Variants in CACNA2D3 observed in about 807,000 individuals in gnomAD.
The protein encoded by CACNA2D3 is voltage-dependent calcium channel subunit alpha-2/delta-3.
A neutral mutation model predicts 160.6 loss-of-function variants in CACNA2D3; 60 were observed. That is an observed-to-expected ratio of 0.37 (90% confidence interval 0.30 to 0.46). CACNA2D3 has a LOEUF of 0.46. CACNA2D3 is among the 20% of genes least tolerant of loss of function. The pLI, the probability that CACNA2D3 is intolerant of heterozygous loss-of-function variation, is 1.00. For synonymous variants in CACNA2D3, 558 were observed against 492.9 expected, an observed-to-expected ratio of 1.13 and a Z score of -1.75; for missense variants, 1,205 against 1,365.0, an observed-to-expected ratio of 0.88 and a Z score of 1.85.
chr3:54,687,132 T>TTTTTTC (rs1700472345), intron 11 of CACNA2D3, among the ~76,000 whole-genome samples: 1 of 64,180 alleles, frequency 1.6e-5, no homozygotes, highest in Non-Finnish European at 3.0e-5. Flanking sequence ...TTTTTTTTTT[T>TTTTTTC]TTGTTTTTTT....
At chr3:54,725,598 G>A (rs996167988) in intron 11 of CACNA2D3, among the ~76,000 whole-genome samples, 1 of 152,166 alleles carries the variant, frequency 6.6e-6, no homozygotes, top group Non-Finnish European at 1.5e-5. Context: ...GGGATGCAAG[G>A]TTGGTTCAAC....
At chr3:54,588,617 A>G (rs1559520225) in intron 9 of CACNA2D3, among the ~76,000 whole-genome samples, 1 of 152,164 alleles carries the variant, frequency 6.6e-6, no homozygotes, top group Non-Finnish European at 1.5e-5. Flanking sequence ...CACATATACA[A>G]GATCAACACA....
At chr3:54,411,121 G>C (rs1406935633) in intron 4 of CACNA2D3, among the ~76,000 whole-genome samples, 1 of 152,190 alleles carries the variant, frequency 6.6e-6, no homozygotes, top group East Asian at 1.9e-4. Context: ...AAAGTTTAAT[G>C]AATGAGAAGC....
In CACNA2D3 at chr3:54,859,733, A is replaced by G. The variant is rs79706552; in HGVS notation, c.1627-11806A>G. The stretch of plus-strand genomic sequence containing the variant: ...ACGGACCTACCAGCTCCAACCTGGT[A>G]GCCTCTGGGTTCAGGTCTTAAATTC... On this transcript the variant is annotated intron_variant, in intron 17 of 37. Transcript: ENST00000474759. Among the ~76,000 whole-genome samples, 44 of 152,252 alleles carry G rather than the reference A, an allele frequency of 2.9e-4. No individual in the cohort carries two copies. The East Asian group carries it at 7.3e-3, about 25-fold the overall frequency.
At chr3:54,160,750 G>A (rs1240180690) in intron 2 of CACNA2D3, among the ~76,000 whole-genome samples, 1 of 152,172 alleles carries the variant, frequency 6.6e-6, no homozygotes, top group Non-Finnish European at 1.5e-5. Flanking sequence ...AGTTTTCTGT[G>A]CGGTAACTGA....
chr3:54,228,676 T>G (rs1486204938), intron 2 of CACNA2D3, among the ~76,000 whole-genome samples: 1 of 152,256 alleles, frequency 6.6e-6, no homozygotes, highest in Non-Finnish European at 1.5e-5. Context: ...CTCCCATTAT[T>G]GCTCTCAGCA....
At chr3:54,932,407 A>C (rs1411223795) in intron 27 of CACNA2D3, among the ~76,000 whole-genome samples, 1 of 152,172 alleles carries the variant, frequency 6.6e-6, no homozygotes, top group East Asian at 1.9e-4. Context: ...CCAAACTGAT[A>C]ATGCTGATTA....
chr3:54,899,890 T>C (rs771650840), intron 27 of CACNA2D3, 22 bp downstream of exon 27: 3 of 1,545,198 alleles, frequency 1.9e-6, no homozygotes, highest in East Asian at 4.6e-5. Flanking sequence ...ATTGAATCCA[T>C]GAAGACAAAG....
Position 54,136,013 on chromosome 3 carries a change from G to T in CACNA2D3, c.204+12419G>T, listed in dbSNP as rs980590532. On this transcript the variant is annotated intron_variant, in intron 2 of 37. Coordinates refer to ENST00000474759, the MANE Select transcript of CACNA2D3 (RefSeq NM_018398.3). The stretch of plus-strand genomic sequence containing the variant: ...GAGGCAGCCCTGAGCCCCATGCCTT[G>T]TCTGCTCCCTGTCCCATGCCTTTCA... Among the ~76,000 whole-genome samples, 31 of 152,184 alleles carry T rather than the reference G, an allele frequency of 2.0e-4. 1 individual carries two copies. Among genetic ancestry groups the T allele is most frequent in the Admixed American group, 1.8e-3 (27 of 15,288 alleles).
In CACNA2D3 at chr3:54,602,236, G is replaced by A. The variant is rs142782588; in HGVS notation, c.963+20359G>A. Among the ~76,000 whole-genome samples the A allele has an allele frequency of 3.9e-3, 589 of 152,288 alleles. 8 individuals carry two copies. Among genetic ancestry groups the A allele is most frequent in the African/African-American group, 0.012 (514 of 41,572 alleles). On this transcript the variant is annotated intron_variant, in intron 9 of 37. Transcript: ENST00000474759. ...AGCAAGGCCAGGCGTGGTGGCTCAT[G>A]CCTGTAATCCTAGCATTTTGGGAGG...
intron 27 of CACNA2D3, among the ~76,000 whole-genome samples, chr3:54,902,179 A>C (rs2106893436): frequency 6.6e-6 from 1 of 152,326 alleles, no homozygotes; most frequent in East Asian, 1.9e-4. Flanking sequence ...AGAGGTGTAC[A>C]ACTATGCAAA....
intron 5 of CACNA2D3, among the ~76,000 whole-genome samples, chr3:54,518,768 C>G (rs1057497883): frequency 2.6e-5 from 4 of 152,168 alleles, no homozygotes; most frequent in Admixed American, 2.6e-4. Flanking sequence ...CATTTTTCCC[C>G]TCCCAGATGT....
chr3:54,778,311 C>G lies in CACNA2D3; in HGVS notation c.1380+13960C>G, dbSNP rs529382208. Among the ~76,000 whole-genome samples the G allele has an allele frequency of 1.9e-4, 29 of 152,220 alleles. 1 individual carries two copies. Among genetic ancestry groups the G allele is most frequent in the Middle Eastern group, 6.8e-3 (2 of 294 alleles). On this transcript the variant is annotated intron_variant, in intron 13 of 37. Transcript: ENST00000474759. ...GGTTACAGTTTGAATGGGGCCTTTC[C>G]CCATTCCGTGCCGCCATCCTCCAGC... is the stretch of plus-strand genomic sequence containing the variant.
chr3:54,592,013 G>A (rs1186667288), intron 9 of CACNA2D3, among the ~76,000 whole-genome samples: 2 of 152,086 alleles, frequency 1.3e-5, no homozygotes, highest in Non-Finnish European at 2.9e-5. Context: ...TGTTTTCCTG[G>A]TGGCCACTGC....
chr3:54,508,616 A>G (rs1484491466), intron 5 of CACNA2D3, among the ~76,000 whole-genome samples: 1 of 152,236 alleles, frequency 6.6e-6, no homozygotes, highest in African/African-American at 2.4e-5. Flanking sequence ...AAACATAGGA[A>G]GTAACCCAAT....
intron 3 of CACNA2D3, among the ~76,000 whole-genome samples, chr3:54,349,300 A>G (rs1358948926): frequency 6.6e-6 from 1 of 152,158 alleles, no homozygotes; most frequent in Non-Finnish European, 1.5e-5. Flanking sequence ...TGTGGATTGC[A>G]TGCATCCTGG....
chr3:54,445,127 A>C (rs555537526), intron 4 of CACNA2D3, among the ~76,000 whole-genome samples: 2 of 152,326 alleles, frequency 1.3e-5, no homozygotes, highest in African/African-American at 2.4e-5. Context: ...GGTAGTGATT[A>C]TGAGCCTCGG....
At chr3:55,019,997 C>A (rs1249662102) in intron 35 of CACNA2D3, among the ~76,000 whole-genome samples, 1 of 152,136 alleles carries the variant, frequency 6.6e-6, no homozygotes. Flanking sequence ...TCCATAATTG[C>A]TGTAGATTTT....
At chr3:54,618,268 G>T (rs1285697671) in intron 9 of CACNA2D3, among the ~76,000 whole-genome samples, 1 of 150,452 alleles carries the variant, frequency 6.6e-6, no homozygotes, top group Non-Finnish European at 1.5e-5. Context: ...GTTTACTATA[G>T]TAATGTTGAA....
Sources: allele counts gnomAD v4.1 joint callset (sites outside exome capture counted in the v4.1 genomes callset), GRCh38; gene constraint gnomAD v4.1.1; transcripts MANE v1.5; gene names NCBI Gene and HGNC (gene_info 2026-07-23, HGNC 2026-07-21).